Variants in ROM1 observed in about 807,000 individuals in gnomAD.
The protein encoded by ROM1 is retinal outer segment membrane protein 1.
Under a neutral mutation model 23.0 loss-of-function variants are expected in ROM1, and 17 were observed. The observed-to-expected ratio is 0.74, with a 90% confidence interval of 0.51 to 1.11. ROM1 has a LOEUF of 1.11. ROM1 is among the 50% of genes least tolerant of loss of function. The pLI is 0.00. For synonymous variants in ROM1, 200 were observed against 206.5 expected (o/e 0.97, Z 0.27); for missense variants, 436 against 439.7 (o/e 0.99, Z 0.08).
In ROM1 at chr11:62,613,339, GGGCTCT is replaced by G. The variant is rs755995434; in HGVS notation, c.64_69del (p.Trp22_Leu23del). 2.5e-6 allele frequency: 4 copies of G among 1,613,296 alleles called. No homozygotes were observed. The highest frequency in any genetic ancestry group is 3.4e-6 in the Non-Finnish European group (4 of 1,179,814). The stretch of plus-strand genomic sequence containing the variant: ...GCAGCCCCGCATCCGCCTGGCACAA[GGGCTCT>G]GGCTCCTCTCCTGGCTGCTGGCGCT... On this transcript the variant is annotated inframe_deletion, in exon 1 of 3. Transcript: ENST00000278833.
intron 1 of ROM1, 126 bp downstream of exon 1, chr11:62,613,997 A>G (rs1942965587): frequency 6.5e-7 from 1 of 1,543,054 alleles, no homozygotes; most frequent in Non-Finnish European, 8.8e-7. Flanking sequence ...GACTGGTTAC[A>G]GCTCTGCCAT....
In ROM1 at chr11:62,613,762, G is replaced by A; in HGVS notation, c.481G>A (p.Glu161Lys). 1 of 1,614,236 alleles carries A rather than the reference G, an allele frequency of 6.2e-7. No homozygotes were observed. Among genetic ancestry groups the A allele is most frequent in the Non-Finnish European group, 8.5e-7 (1 of 1,180,038 alleles). Reference sequence around the variant, plus strand: ...CTGTCAGGCCAAAAGGCTGGTGGATGAGCTGCAACTGAGGTACCACTGCTG... The same window carrying A: ...CTGTCAGGCCAAAAGGCTGGTGGATAAGCTGCAACTGAGGTACCACTGCTG... The part of the protein sequence containing the change: ...GHCQAKRLVD[E>K]LQLRYHCCGR... Residue 161 changes from glutamate (E) to lysine (K), a missense_variant, in exon 1 of 3, where the codon GAG (glutamate) becomes AAG (lysine). By Grantham distance (56) the Glu-to-Lys change is moderately conservative. Coordinates refer to ENST00000278833, the MANE Select transcript of ROM1 (RefSeq NM_000327.4).
chr11:62,614,882 T>A lies in ROM1; in HGVS notation c.*43T>A. 1 of 1,510,894 alleles carries A rather than the reference T, an allele frequency of 6.6e-7. No individual in the cohort carries two copies. Among genetic ancestry groups the A allele is most frequent in the Non-Finnish European group, 9.2e-7 (1 of 1,090,392 alleles). 93.6% of individuals were successfully genotyped at this position (1,510,894 alleles called of 1,614,324 possible). A position where few individuals can be genotyped will look rare whatever the true frequency, so the allele number is the denominator to read the frequency against. On this transcript the variant is annotated 3_prime_UTR_variant, in exon 3 of 3. Transcript: ENST00000278833. ...TGAGGAAGAGGGAGGGATGGACAAG[T>A]CTGAAAACCTCACAACTCCTTACCA... is the stretch of plus-strand genomic sequence containing the variant.
At position 62,613,285 on chromosome 11, in the gene ROM1, G is replaced by A. The variant is rs1192177676; in HGVS notation, c.4G>A (p.Ala2Thr). The A allele has an allele frequency of 6.2e-7, 1 of 1,600,496 alleles. No homozygotes were observed. The change falls in exon 1 of 3, where the codon GCG (alanine) becomes ACG (threonine). Residue 2 changes from alanine to threonine, a missense_variant. Physicochemically the swap from Ala to Thr is moderately conservative, Grantham distance 58. Transcript: ENST00000278833. ...TTCCCTTGGGCAGAGATGGGAGATG[G>A]CGCCGGTGTTGCCCCTGGTGCTGCC... M[A>T]PVLPLVLPLQ...
In ROM1 at chr11:62,613,534, CG is replaced by C; in HGVS notation, c.256del (p.Ala86GlnfsTer3). 1 of 1,613,842 alleles carries C rather than the reference CG, an allele frequency of 6.2e-7. No individual in the cohort carries two copies. Among genetic ancestry groups the C allele is most frequent in the South Asian group, 1.1e-5 (1 of 91,078 alleles). The part of the protein sequence containing the change: ...GTGLVGVGAS[R>X]ASLNAALYPP... ...AGGACTAGTGGGTGTAGGAGCCAGC[CG>C]GGCAAGTCTGAATGCAGCTCTATAC... On this transcript the variant is annotated frameshift_variant, in exon 1 of 3. Transcript: ENST00000278833. LOFTEE classifies it high-confidence loss of function.
Position 62,614,908 on chromosome 11 carries a change from A to C in ROM1, c.*69A>C. ...CTGAAAACCTCACAACTCCTTACCA[A>C]GGCTCCAGGTTGGGGGGATCGTAGG... On this transcript the variant is annotated 3_prime_UTR_variant, in exon 3 of 3. Transcript: ENST00000278833. 7.6e-7 allele frequency: 1 copy of C among 1,322,198 alleles called. No homozygotes were observed. The highest frequency in any genetic ancestry group is 1.4e-5 in the African/African-American group (1 of 69,262). The allele number at this position is 1,322,198 out of a possible 1,614,324, so 81.9% of individuals were successfully genotyped here.
At position 62,614,685 on chromosome 11, in the gene ROM1, A is replaced by C; in HGVS notation, c.902A>C (p.Asp301Ala). Residue 301 changes from aspartate to alanine, a missense_variant, in exon 3 of 3, where the codon GAT (aspartate) becomes GCT (alanine). Coordinates refer to ENST00000278833, the MANE Select transcript of ROM1 (RefSeq NM_000327.4). ...CTGGAGGGGCTTGGAGGGGTCATTG[A>C]TGCGGGAGGAGAGACCCAGGGCTAT... ...TALEGLGGVI[D>A]AGGETQGYLF... 1.2e-6 allele frequency: 2 copies of C among 1,614,172 alleles called. No individual in the cohort carries two copies. Among genetic ancestry groups the C allele is most frequent in the Non-Finnish European group, 1.7e-6 (2 of 1,180,022 alleles).
chr11:62,613,592 T>C lies in ROM1; in HGVS notation c.311T>C (p.Leu104Pro), dbSNP rs971348631. 6.2e-7 allele frequency: 1 copy of C among 1,613,328 alleles called. No homozygotes were observed. The highest frequency in any genetic ancestry group is 1.1e-5 in the South Asian group (1 of 91,050). ...PPWRGVLGPL[L>P]VAGTAGGGGL... ...TGGCGAGGGGTCCTGGGCCCGCTGC[T>C]GGTGGCTGGCACGGCTGGTGGGGGG... Residue 104 changes from leucine to proline, a missense_variant, in exon 1 of 3, where the codon CTG becomes CCG. Transcript: ENST00000278833.
In ROM1 at chr11:62,614,876, G is replaced by A. The variant is rs199565248; in HGVS notation, c.*37G>A. The A allele has an allele frequency of 1.3e-6, 2 of 1,557,596 alleles. No individual in the cohort carries two copies. The highest frequency in any genetic ancestry group is 2.2e-5 in the East Asian group (1 of 44,540). On this transcript the variant is annotated 3_prime_UTR_variant, in exon 3 of 3. Transcript: ENST00000278833. ...TTGGGGTGAGGAAGAGGGAGGGATG[G>A]ACAAGTCTGAAAACCTCACAACTCC...
rs1942965979 is a variant in ROM1, at chr11:62,614,018, T to G, written c.590+147T>G. 4 of 1,518,858 alleles carry G rather than the reference T, an allele frequency of 2.6e-6. No individual in the cohort carries two copies. In the East Asian group the frequency reaches 9.2e-5, roughly 35 times the overall value. 94.1% of individuals were successfully genotyped at this position (1,518,858 alleles called of 1,614,324 possible). ...TTACAGCTCTGCCATTTATTAGCTGTGAAACCCAGGGCATGTTACCAAACC... is the reference window on the plus strand; with the variant it reads ...TTACAGCTCTGCCATTTATTAGCTGGGAAACCCAGGGCATGTTACCAAACC... On this transcript the variant is annotated intron_variant, in intron 1 of 2. Coordinates refer to ENST00000278833, the MANE Select transcript of ROM1 (RefSeq NM_000327.4).
rs772096921 is a variant in ROM1 at position 62,614,645 on chromosome 11, T to C, written c.862T>C (p.Tyr288His). The change falls in exon 3 of 3, where the codon TAC becomes CAC. Residue 288 changes from tyrosine (Y) to histidine (H), a missense_variant. By Grantham distance (83) the Tyr-to-His change is moderately conservative. Transcript: ENST00000278833. ...GGCTCTGGTGCTCCTTGGCCTGCGG[T>C]ACCTGCAAACAGCACTGGAGGGGCT... The part of the protein sequence containing the change: ...LQALVLLGLR[Y>H]LQTALEGLGG... 11 of 1,613,992 alleles carry C rather than the reference T, an allele frequency of 6.8e-6. No homozygotes were observed. The highest frequency in any genetic ancestry group is 1.6e-4 in the Middle Eastern group (1 of 6,084).
Position 62,614,762 on chromosome 11 carries a change from G to T in ROM1, c.979G>T (p.Gly327Trp). The T allele has an allele frequency of 1.9e-6, 3 of 1,614,226 alleles. No individual in the cohort carries two copies. The highest frequency in any genetic ancestry group is 2.5e-6 in the Non-Finnish European group (3 of 1,180,028). ...DMLKTAWLQGGVACRPAPEEA... is the reference protein window; with the variant it reads ...DMLKTAWLQGWVACRPAPEEA... ...GCTGAAAACAGCATGGCTACAGGGA[G>T]GGGTTGCCTGCAGGCCAGCACCTGA... Residue 327 changes from glycine (G) to tryptophan (W), a missense_variant, in exon 3 of 3, where the codon GGG (glycine) becomes TGG (tryptophan). Coordinates refer to ENST00000278833, the MANE Select transcript of ROM1 (RefSeq NM_000327.4).
At position 62,614,738 on chromosome 11, in the gene ROM1, C is replaced by T; in HGVS notation, c.955C>T (p.Leu319=). ...CTTTCCCAGTGGGCTGAAAGATATG[C>T]TGAAAACAGCATGGCTACAGGGAGG... The part of the protein sequence containing the change: ...YLFPSGLKDM[L]KTAWLQGGVA... Residue 319 remains leucine, a synonymous_variant, in exon 3 of 3, where the codon CTG becomes TTG. Coordinates refer to ENST00000278833, the MANE Select transcript of ROM1 (RefSeq NM_000327.4). 6.2e-7 allele frequency: 1 copy of T among 1,614,198 alleles called. No individual in the cohort carries two copies. Among genetic ancestry groups the T allele is most frequent in the Non-Finnish European group, 8.5e-7 (1 of 1,180,024 alleles).
In ROM1 at chr11:62,614,941, G is replaced by A; in HGVS notation, c.*102G>A. ...GGTTGGGGGGATCGTAGGATTAGAG[G>A]GGCTAAGGATAGTCAGCGAGCTGGA... is the stretch of plus-strand genomic sequence containing the variant. On this transcript the variant is annotated 3_prime_UTR_variant, in exon 3 of 3. Transcript: ENST00000278833. 3 of 996,486 alleles carry A rather than the reference G, an allele frequency of 3.0e-6. No individual in the cohort carries two copies. The highest frequency in any genetic ancestry group is 4.6e-6 in the Non-Finnish European group (3 of 652,108). The allele number at this position is 996,486 out of a possible 1,614,324, so 61.7% of individuals were successfully genotyped here. A position where few individuals can be genotyped will look rare whatever the true frequency, so the allele number is the denominator to read the frequency against.
rs1165972368 is a variant in ROM1 at position 62,613,756 on chromosome 11, G to C, written c.475G>C (p.Val159Leu). ...VPGHCQAKRL[V>L]DELQLRYHCC... ...TGGGCACTGTCAGGCCAAAAGGCTG[G>C]TGGATGAGCTGCAACTGAGGTACCA... The change falls in exon 1 of 3, where the codon GTG becomes CTG. Residue 159 changes from valine (V) to leucine (L), a missense_variant. Physicochemically the swap from Val to Leu is conservative, Grantham distance 32. Transcript: ENST00000278833. 1 of 1,614,090 alleles carries C rather than the reference G, an allele frequency of 6.2e-7. No homozygotes were observed.
rs531154214 is a variant in ROM1 at position 62,613,368 on chromosome 11, G to A, written c.87G>A (p.Ala29=). ...QGLWLLSWLL[A]LAGGVILLCS... ...TCTGGCTCCTCTCCTGGCTGCTGGC[G>A]CTGGCTGGTGGCGTCATCCTCCTCT... Residue 29 remains alanine (A), a synonymous_variant, in exon 1 of 3, where the codon GCG becomes GCA. Transcript: ENST00000278833. 11 of 1,613,574 alleles carry A rather than the reference G, an allele frequency of 6.8e-6. No individual in the cohort carries two copies. Among genetic ancestry groups the A allele is most frequent in the Admixed American group, 3.3e-5 (2 of 59,950 alleles).
chr11:62,614,669 C>T lies in ROM1; in HGVS notation c.886C>T (p.Leu296Phe). Residue 296 changes from leucine (L) to phenylalanine (F), a missense_variant, in exon 3 of 3, where the codon CTT (leucine) becomes TTT (phenylalanine). By Grantham distance (22) the Leu-to-Phe change is conservative. Transcript: ENST00000278833. ...GTACCTGCAAACAGCACTGGAGGGG[C>T]TTGGAGGGGTCATTGATGCGGGAGG... ...LRYLQTALEG[L>F]GGVIDAGGET... is the part of the protein sequence containing the mutation. The T allele has an allele frequency of 6.2e-7, 1 of 1,614,214 alleles. No homozygotes were observed. Among genetic ancestry groups the T allele is most frequent in the Non-Finnish European group, 8.5e-7 (1 of 1,180,034 alleles).
chr11:62,613,639 G>A lies in ROM1; in HGVS notation c.358G>A (p.Gly120Arg), dbSNP rs1181858709. ...GGGGLLVVGL[G>R]LALALPGSLD... ...GGGGGGGCTCCTGGTCGTCGGCCTCGGGCTAGCCCTGGCTTTGCCTGGGAG... is the reference window on the plus strand; with the variant it reads ...GGGGGGGCTCCTGGTCGTCGGCCTCAGGCTAGCCCTGGCTTTGCCTGGGAG... The change falls in exon 1 of 3, where the codon GGG (glycine) becomes AGG (arginine). Residue 120 changes from glycine to arginine, a missense_variant. By Grantham distance (125) the Gly-to-Arg change is moderately radical. Transcript: ENST00000278833. 6 of 1,613,304 alleles carry A rather than the reference G, an allele frequency of 3.7e-6. No individual in the cohort carries two copies. The highest frequency in any genetic ancestry group is 1.3e-5 in the African/African-American group (1 of 74,900).
Position 62,613,584 on chromosome 11 carries a change from C to A in ROM1, c.303C>A (p.Gly101=), listed in dbSNP as rs746084145. The change falls in exon 1 of 3, where the codon GGC becomes GGA. Residue 101 remains glycine, a synonymous_variant. Coordinates refer to ENST00000278833, the MANE Select transcript of ROM1 (RefSeq NM_000327.4). Reference sequence around the variant, plus strand: ...ACCCTCCCTGGCGAGGGGTCCTGGGCCCGCTGCTGGTGGCTGGCACGGCTG... The same window carrying A: ...ACCCTCCCTGGCGAGGGGTCCTGGGACCGCTGCTGGTGGCTGGCACGGCTG... ...ALYPPWRGVL[G]PLLVAGTAGG... 6.2e-7 allele frequency: 1 copy of A among 1,613,426 alleles called. No individual in the cohort carries two copies. Among genetic ancestry groups the A allele is most frequent in the Non-Finnish European group, 8.5e-7 (1 of 1,179,676 alleles).
Sources: allele counts gnomAD v4.1 joint callset, GRCh38; gene constraint gnomAD v4.1.1; transcripts MANE v1.5; gene names NCBI Gene and HGNC (gene_info 2026-07-23, HGNC 2026-07-21).